The following TDRD7 variants were observed in gnomAD, a reference collection of about 807,000 sequenced individuals.
TDRD7 encodes the protein tudor domain containing 7, also known as tudor domain-containing protein 7.
TDRD7 carries 47 observed loss-of-function variants against 109.8 expected under a neutral mutation model. The observed-to-expected ratio is 0.43, with a 90% CI of 0.34 to 0.55. TDRD7 has a LOEUF of 0.55. Among genes scored for constraint, TDRD7 ranks in the 20% least tolerant of loss-of-function variants. TDRD7 has a pLI of 0.03. For synonymous variants in TDRD7, 424 were observed against 457.3 expected, an observed-to-expected ratio of 0.93 and a Z score of 0.93; for missense variants, 1,164 against 1,319.2, an observed-to-expected ratio of 0.88 and a Z score of 1.82.
chr9:97,460,149 CT>C (rs759923904), intron 6 of TDRD7, 28 bp from the exon 7 acceptor site: 16 of 1,588,910 alleles, frequency 1.0e-5, no homozygotes, highest in African/African-American at 1.3e-5. Flanking sequence ...ACTGAAATAT[CT>C]GTCATTTGCT....
chr9:97,425,701 GT>G (rs1241545512), intron 1 of TDRD7, among the ~76,000 whole-genome samples: 2 of 152,188 alleles, frequency 1.3e-5, no homozygotes, highest in African/African-American at 4.8e-5. Flanking sequence ...TTAATTAAAT[GT>G]TGTTGGTCCT....
chr9:97,425,645 A>G (rs1392243907), intron 1 of TDRD7, among the ~76,000 whole-genome samples: 1 of 152,200 alleles, frequency 6.6e-6, no homozygotes, highest in Non-Finnish European at 1.5e-5. Flanking sequence ...ATCTGTGAAA[A>G]GAATAAGAAT....
chr9:97,460,968 C>T (rs544647244), intron 7 of TDRD7, among the ~76,000 whole-genome samples: 17 of 152,038 alleles, frequency 1.1e-4, no homozygotes, highest in African/African-American at 3.1e-4. Context: ...GGCGAAACCC[C>T]GTCTCTACTA....
At position 97,464,936 on chromosome 9, in the gene TDRD7, G is replaced by C. The variant is rs777815644; in HGVS notation, c.1537G>C (p.Ala513Pro). ...SKNPKITPVQAVNVGQLLAVN... is the reference protein window; with the variant it reads ...SKNPKITPVQPVNVGQLLAVN... ...GAATCCTAAGATCACACCAGTCCAG[G>C]CTGTGAATGTTGGGCAGTTGCTGGC... is the stretch of plus-strand genomic sequence containing the variant. Residue 513 changes from alanine to proline, a missense_variant, in exon 8 of 17, where the codon GCT becomes CCT. Physicochemically the swap from Ala to Pro is conservative, Grantham distance 27. Coordinates refer to ENST00000355295, the MANE Select transcript of TDRD7 (RefSeq NM_014290.3). 6.2e-7 allele frequency: 1 copy of C among 1,614,180 alleles called. No homozygotes were observed. The highest frequency in any genetic ancestry group is 8.5e-7 in the Non-Finnish European group (1 of 1,180,022).
chr9:97,491,286 A>G (rs2131187331), intron 16 of TDRD7, among the ~76,000 whole-genome samples: 1 of 152,098 alleles, frequency 6.6e-6, no homozygotes, highest in Middle Eastern at 3.4e-3. Flanking sequence ...TCCATTATCC[A>G]TCTGTTCTTA....
At chr9:97,445,560 A>G (rs907400058) in intron 6 of TDRD7, among the ~76,000 whole-genome samples, 10 of 152,168 alleles carry the variant, frequency 6.6e-5, no homozygotes, top group African/African-American at 2.4e-4. Flanking sequence ...AACCTGACAG[A>G]TGGGTTAGTG....
chr9:97,492,274 T>C (rs1161066995), intron 16 of TDRD7, among the ~76,000 whole-genome samples: 1 of 152,232 alleles, frequency 6.6e-6, no homozygotes, highest in Non-Finnish European at 1.5e-5. Context: ...CTTTACTTCA[T>C]TGAACTCTCC....
intron 6 of TDRD7, among the ~76,000 whole-genome samples, chr9:97,442,481 G>A (rs527278918): frequency 3.9e-5 from 6 of 152,146 alleles, no homozygotes; most frequent in African/African-American, 1.4e-4. Context: ...TAAGATTATG[G>A]ATCAGCATAG....
At chr9:97,413,336 T>C (rs1252889841) in intron 1 of TDRD7, among the ~76,000 whole-genome samples, 1 of 152,268 alleles carries the variant, frequency 6.6e-6, no homozygotes, top group East Asian at 1.9e-4. Flanking sequence ...CTTCTCATTT[T>C]ACAAATTGTG....
At chr9:97,494,710 A>ATG (rs1414222730) in intron 16 of TDRD7, among the ~76,000 whole-genome samples, 17 of 99,714 alleles carry the variant, frequency 1.7e-4, no homozygotes, top group Non-Finnish European at 3.4e-4. Flanking sequence ...ATATATATAT[A>ATG]TATTTTTTTT....
chr9:97,432,193 A>G lies in TDRD7; in HGVS notation c.518A>G (p.Lys173Arg), dbSNP rs775157629. 14 of 1,613,850 alleles carry G rather than the reference A, an allele frequency of 8.7e-6. No individual in the cohort carries two copies. Among genetic ancestry groups the G allele is most frequent in the East Asian group, 2.2e-5 (1 of 44,878 alleles). ...ACAACTCTTGGAAATGAAGCATTCAAAGACATTCCAGTGCAAAGGCATGTG... is the reference window on the plus strand; with the variant it reads ...ACAACTCTTGGAAATGAAGCATTCAGAGACATTCCAGTGCAAAGGCATGTG... ...LHTTLGNEAF[K>R]DIPVQRHVTM... is the part of the protein sequence containing the mutation. Residue 173 changes from lysine (K) to arginine (R), a missense_variant, in exon 4 of 17, where the codon AAA (lysine) becomes AGA (arginine). Transcript: ENST00000355295.
intron 5 of TDRD7, among the ~76,000 whole-genome samples, chr9:97,440,614 G>A (rs1194365322): frequency 6.6e-6 from 1 of 152,150 alleles, no homozygotes; most frequent in Admixed American, 6.5e-5. Context: ...GCCCTTTGAT[G>A]GAAGAGCAGA....
chr9:97,487,110 C>A, intron 15 of TDRD7, 62 bp from the exon 16 acceptor site: 1 of 1,517,746 alleles, frequency 6.6e-7, no homozygotes, highest in Non-Finnish European at 9.1e-7. Flanking sequence ...ATATTTCTTG[C>A]CCTTAAAGCA....
chr9:97,475,111 T>G (rs1450885297), intron 11 of TDRD7, among the ~76,000 whole-genome samples: 3 of 152,226 alleles, frequency 2.0e-5, no homozygotes, highest in African/African-American at 7.2e-5. Context: ...CCTAAGTGAA[T>G]CATAATGATC....
At chr9:97,472,199 AT>A in intron 9 of TDRD7, 93 bp from the exon 10 acceptor site, 2 of 1,180,922 alleles carry the variant, frequency 1.7e-6, no homozygotes, top group Non-Finnish European at 2.5e-6. Flanking sequence ...TAGGCTTATA[AT>A]TTTAATAATG....
At chr9:97,489,490 G>A (rs1367154847) in intron 16 of TDRD7, among the ~76,000 whole-genome samples, 2 of 152,100 alleles carry the variant, frequency 1.3e-5, no homozygotes, top group African/African-American at 4.8e-5. Context: ...TAGTGTTAAC[G>A]TGGTATATCT....
intron 14 of TDRD7, among the ~76,000 whole-genome samples, chr9:97,482,414 C>T (rs1469251684): frequency 3.9e-5 from 6 of 152,142 alleles, no homozygotes; most frequent in Admixed American, 2.0e-4. Flanking sequence ...TTAAGCAGAA[C>T]GCTCATAAAT....
chr9:97,418,717 G>C (rs775957143), intron 1 of TDRD7, among the ~76,000 whole-genome samples: 5 of 152,188 alleles, frequency 3.3e-5, no homozygotes, highest in Non-Finnish European at 5.9e-5. Context: ...CCTCTGATTA[G>C]ACTCTAAGAC....
At chr9:97,425,237 G>C (rs1827967307) in intron 1 of TDRD7, among the ~76,000 whole-genome samples, 1 of 151,924 alleles carries the variant, frequency 6.6e-6, no homozygotes, top group African/African-American at 2.4e-5. Flanking sequence ...TTTTATTTTG[G>C]GTAAACTTTC....
Sources: gnomAD v4.1 joint callset for allele counts (sites outside exome capture counted in the v4.1 genomes callset) on GRCh38, gnomAD v4.1.1 for gene constraint, MANE v1.5 for transcripts, NCBI Gene and HGNC (gene_info 2026-07-23, HGNC 2026-07-21) for gene names.